The following PDE1B variants were observed in gnomAD, a reference collection of about 807,000 sequenced individuals.
The protein encoded by PDE1B is phosphodiesterase 1B.
In PDE1B, 13 loss-of-function variants were observed where a neutral mutation model predicts 66.7. The observed-to-expected ratio is 0.19, with a 90% CI of 0.13 to 0.31. PDE1B has a LOEUF of 0.31. Among genes scored for constraint, PDE1B ranks in the 10% least tolerant of loss-of-function variants. The pLI, the probability that PDE1B is intolerant of heterozygous loss-of-function variation, is 1.00. For missense variants in PDE1B, 485 were observed against 682.3 expected, an observed-to-expected ratio of 0.71 and a Z score of 3.22; for synonymous variants, 230 against 253.9, an observed-to-expected ratio of 0.91 and a Z score of 0.90.
rs1246572616 is a variant in PDE1B, at chr12:54,575,853, T to C, written c.1268-139T>C. 2 of 767,420 alleles carry C rather than the reference T, an allele frequency of 2.6e-6. No individual in the cohort carries two copies. The highest frequency in any genetic ancestry group is 2.3e-6 in the Non-Finnish European group (1 of 438,182). 47.5% of individuals were successfully genotyped at this position (767,420 alleles called of 1,614,324 possible). On this transcript the variant is annotated intron_variant, in intron 12 of 15. Transcript: ENST00000243052. This position sits in a 1 kb window ranked among gnomAD's most constrained non-coding sequence, Gnocchi z 4.0. ...ACATCATCCCAAAGCCTGCCCTGCA[T>C]TGGGAAGTTTTCAGCCCCAGGTTAC... is the stretch of plus-strand genomic sequence containing the variant.
intron 3 of PDE1B, 39 bp downstream of exon 3, chr12:54,567,126 A>G: frequency 9.4e-7 from 1 of 1,064,852 alleles, no homozygotes; most frequent in Non-Finnish European, 1.4e-6. Flanking sequence ...GAAAGATGTC[A>G]GACATAGTGT....
intron 3 of PDE1B, among the ~76,000 whole-genome samples, chr12:54,567,524 TAAATAAAAA>T (rs1164713220): frequency 6.8e-6 from 1 of 147,144 alleles, no homozygotes. Context: ...AATAAATAAA[TAAATAAAAA>T]AAATAAAAAA....
chr12:54,576,077 C>G lies in PDE1B; in HGVS notation c.1353C>G (p.Asp451Glu). 6.2e-7 allele frequency: 1 copy of G among 1,612,174 alleles called. No individual in the cohort carries two copies. ...GTGTTCAGCCCCTGGCGGATGAGGACTCCAAGTCTAAAAACCAGCCCAGGT... is the reference window on the plus strand; with the variant it reads ...GTGTTCAGCCCCTGGCGGATGAGGAGTCCAAGTCTAAAAACCAGCCCAGGT... ...EKSVQPLADE[D>E]SKSKNQPSFQ... Residue 451 changes from aspartate (D) to glutamate (E), a missense_variant, in exon 13 of 16, where the codon GAC becomes GAG. Asp to Glu is a conservative substitution (Grantham distance 45, BLOSUM62 2). This residue lies in a region of PDE1B where 126 missense variants were observed against 133.8 expected (regional missense o/e 0.94). Transcript: ENST00000243052.
rs1957720615 is a variant in PDE1B at position 54,575,472 on chromosome 12, C to T, written c.1186-79C>T. On this transcript the variant is annotated intron_variant, in intron 11 of 15. Coordinates refer to ENST00000243052, the MANE Select transcript of PDE1B (RefSeq NM_000924.4). The surrounding 1 kb of genome is among the most constrained non-coding windows in gnomAD (Gnocchi z 4.0). Reference sequence around the variant, plus strand: ...ATTTCACACAACAACCCCCCACCCCCACCACTTGCCACCTGTACCCCAGAT... The same window carrying T: ...ATTTCACACAACAACCCCCCACCCCTACCACTTGCCACCTGTACCCCAGAT... The T allele has an allele frequency of 1.1e-5, 11 of 1,000,876 alleles. No homozygotes were observed. Among genetic ancestry groups the T allele is most frequent in the Middle Eastern group, 2.1e-4 (1 of 4,822 alleles). 62.0% of individuals were successfully genotyped at this position (1,000,876 alleles called of 1,614,324 possible).
At chr12:54,561,374 C>A in intron 2 of PDE1B, 2 of 905,018 alleles carry the variant, frequency 2.2e-6, no homozygotes, top group Non-Finnish European at 1.5e-6. Context: ...CCTCCCCTCT[C>A]ACCCAGTTCC....
chr12:54,572,874 A>G, intron 7 of PDE1B, 133 bp downstream of exon 7: 1 of 856,476 alleles, frequency 1.2e-6, no homozygotes, highest in Non-Finnish European at 1.9e-6. Flanking sequence ...GACAGAGCCA[A>G]ACTGGATTAA....
chr12:54,560,737 C>A (rs1957396087), intron 2 of PDE1B, among the ~76,000 whole-genome samples: 1 of 152,234 alleles, frequency 6.6e-6, no homozygotes, highest in African/African-American at 2.4e-5. Flanking sequence ...TTTGGCCCCT[C>A]CTGGGCCATC....
rs1957674735 is a variant in PDE1B, at chr12:54,573,924, C to T, written c.1064+215C>T. On this transcript the variant is annotated intron_variant, in intron 10 of 15. Coordinates refer to ENST00000243052, the MANE Select transcript of PDE1B (RefSeq NM_000924.4). This position sits in a 1 kb window ranked among gnomAD's most constrained non-coding sequence, Gnocchi z 5.2. The stretch of plus-strand genomic sequence containing the variant: ...GTGTGTGTGTGTGTCCTTACGTTTA[C>T]TCACAGCCTTGGCAGCTGATCCACT... 4 of 552,360 alleles carry T rather than the reference C, an allele frequency of 7.2e-6. No homozygotes were observed. The highest frequency in any genetic ancestry group is 1.3e-5 in the Non-Finnish European group (4 of 309,830). 34.2% of individuals were successfully genotyped at this position (552,360 alleles called of 1,614,324 possible).
chr12:54,568,962 A>G (rs1957569017), intron 3 of PDE1B, among the ~76,000 whole-genome samples: 1 of 152,214 alleles, frequency 6.6e-6, no homozygotes, highest in Non-Finnish European at 1.5e-5. Context: ...CTGCTTAAAC[A>G]CTTCCATAGT....
rs118001439 is a variant in PDE1B, at chr12:54,576,977, G to A, written c.1508-248G>A. On this transcript the variant is annotated intron_variant, in intron 14 of 15. Transcript: ENST00000243052. Reference sequence around the variant, plus strand: ...GGTCCCTGTAAATGGTGCCCCTGTAGATTTGGCTAATTTGGTGGCCCTGGC... The same window carrying A: ...GGTCCCTGTAAATGGTGCCCCTGTAAATTTGGCTAATTTGGTGGCCCTGGC... 0.012 allele frequency: 7,335 copies of A among 606,142 alleles called. 63 individuals carry two copies. The highest frequency in any genetic ancestry group is 0.028 in the Middle Eastern group (64 of 2,272). The allele number at this position is 606,142 out of a possible 1,614,324, so 37.5% of individuals were successfully genotyped here.
chr12:54,562,700 G>A (rs1238550477), intron 2 of PDE1B, among the ~76,000 whole-genome samples: 1 of 152,334 alleles, frequency 6.6e-6, no homozygotes, highest in South Asian at 2.1e-4. Context: ...AGGCCAGAAA[G>A]TATGGGGTGT....
intron 2 of PDE1B, 43 bp downstream of exon 2, chr12:54,550,028 G>A: frequency 1.2e-6 from 2 of 1,600,166 alleles, no homozygotes; most frequent in Admixed American, 1.7e-5. Context: ...ACCTTAGGGA[G>A]CCTGAGCGGG....
rs764367122 is a variant in PDE1B, at chr12:54,567,090, G to A, written c.227+3G>A. 6.9e-7 allele frequency: 1 copy of A among 1,440,022 alleles called. No homozygotes were observed. Among genetic ancestry groups the A allele is most frequent in the African/African-American group, 1.4e-5 (1 of 71,718 alleles). 89.2% of individuals were successfully genotyped at this position (1,440,022 alleles called of 1,614,324 possible). On this transcript the variant is annotated splice_donor_region_variant and intron_variant, in intron 3 of 15. Coordinates refer to ENST00000243052, the MANE Select transcript of PDE1B (RefSeq NM_000924.4). ...GCCGTCTACATAGATGAGACACGGT[G>A]AGAGAGACCGACAGACAGAGAAGGA...
chr12:54,573,524 C>T lies in PDE1B; in HGVS notation c.962+44C>T, dbSNP rs780245275. 1.9e-6 allele frequency: 3 copies of T among 1,613,346 alleles called. No homozygotes were observed. In the East Asian group the frequency reaches 6.7e-5, roughly 36 times the overall value. On this transcript the variant is annotated intron_variant, in intron 9 of 15. Coordinates refer to ENST00000243052, the MANE Select transcript of PDE1B (RefSeq NM_000924.4). The surrounding 1 kb of genome is among the most constrained non-coding windows in gnomAD (Gnocchi z 5.2). ...TTGGCATCCCTAAGAGACTCCCTTA[C>T]CACAAACTCCATTTTCCACTTCCTG...
intron 2 of PDE1B, among the ~76,000 whole-genome samples, chr12:54,566,225 A>G (rs1026513581): frequency 2.6e-5 from 4 of 152,112 alleles, no homozygotes; most frequent in Non-Finnish European, 4.4e-5. Context: ...GGCCCACCCC[A>G]CCACTTTTAT....
At position 54,576,690 on chromosome 12, in the gene PDE1B, G is replaced by A. The variant is rs1394642843; in HGVS notation, c.1496G>A (p.Arg499Gln). Residue 499 changes from arginine (R) to glutamine (Q), a missense_variant, in exon 14 of 16, where the codon CGG becomes CAG. By Grantham distance (43) the Arg-to-Gln change is conservative. Transcript: ENST00000243052. ...IQENKQKWKE[R>Q]AASGITNQMS... ...GAGAATAAGCAGAAATGGAAGGAACGGGCAGCAAGTGGTGGGTACCATGGC... is the reference window on the plus strand; with the variant it reads ...GAGAATAAGCAGAAATGGAAGGAACAGGCAGCAAGTGGTGGGTACCATGGC... 6 of 1,608,192 alleles carry A rather than the reference G, an allele frequency of 3.7e-6. No individual in the cohort carries two copies. The highest frequency in any genetic ancestry group is 2.7e-5 in the African/African-American group (2 of 74,948).
At chr12:54,550,314 G>C (rs1957258193) in intron 2 of PDE1B, 20 of 1,015,030 alleles carry the variant, frequency 2.0e-5, no homozygotes, top group Non-Finnish European at 2.5e-5. Flanking sequence ...GAGGTGCCAG[G>C]CTGACTCACA....
At chr12:54,551,098 C>T (rs1592361225) in intron 2 of PDE1B, among the ~76,000 whole-genome samples, 2 of 152,310 alleles carry the variant, frequency 1.3e-5, no homozygotes, top group South Asian at 2.1e-4. Flanking sequence ...CCAGTTCCTC[C>T]TCAATGTTCT....
At chr12:54,560,824 C>G (rs985827881) in intron 2 of PDE1B, among the ~76,000 whole-genome samples, 2 of 152,202 alleles carry the variant, frequency 1.3e-5, no homozygotes, top group African/African-American at 4.8e-5. Context: ...TTCCATTTTA[C>G]AAATGAGAAA....
Sources: allele counts gnomAD v4.1 joint callset (sites outside exome capture counted in the v4.1 genomes callset), GRCh38; gene constraint gnomAD v4.1.1; regional missense constraint gnomAD v4.1.1; non-coding constraint Gnocchi (gnomAD v3.1); transcripts MANE v1.5; gene names NCBI Gene and HGNC (gene_info 2026-07-23, HGNC 2026-07-21).